The following KIF1A variants were observed in gnomAD, a reference collection of about 807,000 sequenced individuals.
KIF1A encodes the protein kinesin family member 1A.
KIF1A carries 46 observed loss-of-function variants against 227.3 expected under a neutral mutation model. The ratio of observed to expected loss-of-function variants is 0.20; its 90% CI spans 0.16 to 0.26. KIF1A has a LOEUF of 0.26. Among genes scored for constraint, KIF1A ranks in the 10% least tolerant of loss-of-function variants. KIF1A has a pLI of 1.00. For synonymous variants in KIF1A, 1,022 were observed against 1,012.8 expected, an observed-to-expected ratio of 1.01 and a Z score of -0.17; for missense variants, 1,683 against 2,485.9, an observed-to-expected ratio of 0.68 and a Z score of 6.87.
At position 240,722,459 on chromosome 2, in the gene KIF1A, G is replaced by A. The variant is rs948335066; in HGVS notation, c.4662C>T (p.Val1554=). ...APNERQRELA[V]KCLRLLTHTF... ...ACTGCCCACCAGCTGGACCCACCTT[G>A]ACGGCCAGCTCCCGCTGCCTCTCGT... Residue 1554 remains valine, a synonymous_variant, in exon 43 of 49, where the codon GTC becomes GTT. Coordinates refer to ENST00000498729, the MANE Select transcript of KIF1A (RefSeq NM_001244008.2). 2 of 1,546,206 alleles carry A rather than the reference G, an allele frequency of 1.3e-6. No homozygotes were observed. Among genetic ancestry groups the A allele is most frequent in the African/African-American group, 2.7e-5 (2 of 72,950 alleles).
chr2:240,814,349 T>C lies in KIF1A; in HGVS notation c.-61+5773A>G, dbSNP rs562763169. On this transcript the variant is annotated intron_variant, in intron 1 of 48. Coordinates refer to ENST00000498729, the MANE Select transcript of KIF1A (RefSeq NM_001244008.2). ...ATAAGTGACCTGATGCAGAAAGCCA[T>C]GGTGACCCTATCCTTAGAGTTCCCA... is the stretch of plus-strand genomic sequence containing the variant. Among the ~76,000 whole-genome samples, 6 of 152,172 alleles carry C rather than the reference T, an allele frequency of 3.9e-5. No individual in the cohort carries two copies. In the East Asian group the frequency reaches 1.2e-3, roughly 29 times the overall value.
At chr2:240,765,030 A>T (rs1268908738) in intron 20 of KIF1A, among the ~76,000 whole-genome samples, 1 of 152,160 alleles carries the variant, frequency 6.6e-6, no homozygotes, top group Non-Finnish European at 1.5e-5. Context: ...AAATCTCTTT[A>T]TACCTAGACA....
rs146302499 is a variant in KIF1A, at chr2:240,802,207, A to G, written c.-60-4395T>C. Among the ~76,000 whole-genome samples, 881 of 152,336 alleles carry G rather than the reference A, an allele frequency of 5.8e-3. 11 individuals carry two copies. The highest frequency in any genetic ancestry group is 0.02 in the African/African-American group (833 of 41,570). On this transcript the variant is annotated intron_variant, in intron 1 of 48. Transcript: ENST00000498729. ...AAAGACAAGACTGCAAGATTTCAAC[A>G]TGATCATGAAAGAGGTAACAGTAAT...
intron 12 of KIF1A, among the ~76,000 whole-genome samples, chr2:240,773,629 T>G (rs1477705011): frequency 6.6e-6 from 1 of 152,126 alleles, no homozygotes; most frequent in Non-Finnish European, 1.5e-5. Flanking sequence ...AGGCTTGTGC[T>G]CACACCGTGT....
intron 1 of KIF1A, among the ~76,000 whole-genome samples, chr2:240,816,220 ATG>A (rs1325849520): frequency 2.6e-5 from 4 of 151,134 alleles, no homozygotes; most frequent in Admixed American, 6.6e-5. Flanking sequence ...GCATGTGTGT[ATG>A]TGTGTTTGTA....
upstream of KIF1A, among the ~76,000 whole-genome samples, chr2:240,820,857 C>T (rs1001240117): frequency 5.9e-5 from 9 of 152,156 alleles, no homozygotes; most frequent in African/African-American, 2.2e-4. The surrounding 1 kb of genome is among the most constrained non-coding windows in gnomAD (Gnocchi z 6.2). Context: ...TCTACCGCGG[C>T]TCGTGGGGAC....
intron 1 of KIF1A, among the ~76,000 whole-genome samples, chr2:240,816,499 A>G (rs1018550014): frequency 6.6e-6 from 1 of 152,000 alleles, no homozygotes; most frequent in Non-Finnish European, 1.5e-5. Flanking sequence ...ATGCCTGGAG[A>G]GCCAGGCACT....
chr2:240,742,586 C>T (rs1478193994), intron 34 of KIF1A, among the ~76,000 whole-genome samples: 1 of 152,184 alleles, frequency 6.6e-6, no homozygotes, highest in Non-Finnish European at 1.5e-5. Context: ...CCTCAGACCC[C>T]CGTGAAGGAG....
chr2:240,749,705 A>G (rs950630430), intron 28 of KIF1A, among the ~76,000 whole-genome samples: 4 of 151,788 alleles, frequency 2.6e-5, no homozygotes, highest in African/African-American at 4.8e-5. Flanking sequence ...GAGCATTACA[A>G]CGGATCCCGT....
rs1254232491 is a variant in KIF1A, at chr2:240,760,795, G to A, written c.2314C>T (p.Pro772Ser). 1.2e-6 allele frequency: 2 copies of A among 1,605,590 alleles called. No homozygotes were observed. Among genetic ancestry groups the A allele is most frequent in the South Asian group, 2.2e-5 (2 of 89,522 alleles). Residue 772 changes from proline to serine, a missense_variant, in exon 25 of 49, where the codon CCA (proline) becomes TCA (serine). Pro to Ser is a moderately conservative substitution (Grantham distance 74). Transcript: ENST00000498729. ...LLTDTLYSPL[P>S]PDLLPPEAAK... ...GCCTCTGGGGGCAGCAGGTCGGGTGGCAGAGGGGAGTAGAGTGTGTCCGTC... is the reference window on the plus strand; with the variant it reads ...GCCTCTGGGGGCAGCAGGTCGGGTGACAGAGGGGAGTAGAGTGTGTCCGTC...
chr2:240,725,449 T>C lies in KIF1A; in HGVS notation c.4123-45A>G, dbSNP rs1239831732. The C allele has an allele frequency of 6.3e-7, 1 of 1,599,302 alleles. No homozygotes were observed. Among genetic ancestry groups the C allele is most frequent in the Admixed American group, 1.7e-5 (1 of 59,158 alleles). On this transcript the variant is annotated intron_variant, in intron 39 of 48. Transcript: ENST00000498729. This position sits in a 1 kb window ranked among gnomAD's most constrained non-coding sequence, Gnocchi z 5.8. Reference sequence around the variant, plus strand: ...GACTCAGGCACAAGGACACCCCGAGTGCCCAGGTGCCCTTCCAGCCTTCTC... The same window carrying C: ...GACTCAGGCACAAGGACACCCCGAGCGCCCAGGTGCCCTTCCAGCCTTCTC...
At position 240,725,658 on chromosome 2, in the gene KIF1A, C is replaced by A. The variant is rs11680772; in HGVS notation, c.4123-254G>T. On this transcript the variant is annotated intron_variant, in intron 39 of 48. Coordinates refer to ENST00000498729, the MANE Select transcript of KIF1A (RefSeq NM_001244008.2). This position sits in a 1 kb window ranked among gnomAD's most constrained non-coding sequence, Gnocchi z 5.8. Reference sequence around the variant, plus strand: ...AGGGACTGGTCTCCATGTGTGGGGACCCCGAGGGTCCCAGACATAGGCTCA... The same window carrying A: ...AGGGACTGGTCTCCATGTGTGGGGAACCCGAGGGTCCCAGACATAGGCTCA... 3,099 of 476,052 alleles carry A rather than the reference C, an allele frequency of 6.5e-3. 20 individuals carry two copies. The highest frequency in any genetic ancestry group is 9.1e-3 in the Non-Finnish European group (2,433 of 267,960). 29.5% of individuals were successfully genotyped at this position (476,052 alleles called of 1,614,324 possible). A position where few individuals can be genotyped will look rare whatever the true frequency, so the allele number is the denominator to read the frequency against.
At chr2:240,750,990 C>G (rs986151878) in intron 27 of KIF1A, among the ~76,000 whole-genome samples, 1 of 152,162 alleles carries the variant, frequency 6.6e-6, no homozygotes, top group African/African-American at 2.4e-5. Context: ...TCACGGACCC[C>G]GCAGAACCCC....
At position 240,789,220 on chromosome 2, in the gene KIF1A, C is replaced by G. The variant is rs117171329; in HGVS notation, c.183+16G>C. On this transcript the variant is annotated intron_variant, in intron 3 of 48. Coordinates refer to ENST00000498729, the MANE Select transcript of KIF1A (RefSeq NM_001244008.2). The surrounding 1 kb of genome is among the most constrained non-coding windows in gnomAD (Gnocchi z 4.8). ...ACTGCTGCCCCCGCCTCCCCCGACC[C>G]GGGGTCCCGGCTTACTGAGGTGTGC... 6 of 1,611,104 alleles carry G rather than the reference C, an allele frequency of 3.7e-6. No individual in the cohort carries two copies. In the East Asian group the frequency reaches 1.1e-4, roughly 30 times the overall value.
chr2:240,737,045 A>C lies in KIF1A; in HGVS notation c.4007+18T>G. 6.3e-7 allele frequency: 1 copy of C among 1,590,532 alleles called. No homozygotes were observed. Among genetic ancestry groups the C allele is most frequent in the Non-Finnish European group, 8.6e-7 (1 of 1,158,952 alleles). ...GGAACATGCCCTGGGCCCTGTCTCC[A>C]GGGAGTCTCCGACTCACCGGTCATC... On this transcript the variant is annotated intron_variant, in intron 38 of 48. Transcript: ENST00000498729.
intron 1 of KIF1A, among the ~76,000 whole-genome samples, chr2:240,810,236 C>T (rs752679349): frequency 1.2e-4 from 18 of 151,896 alleles, no homozygotes; most frequent in South Asian, 2.1e-4. Flanking sequence ...TACAATTCAA[C>T]GAAGGATTTG....
At chr2:240,819,215 A>C (rs1341755029) in intron 1 of KIF1A, among the ~76,000 whole-genome samples, 1 of 151,996 alleles carries the variant, frequency 6.6e-6, no homozygotes, top group Non-Finnish European at 1.5e-5. Flanking sequence ...CAGCGTGAGG[A>C]GCGGCTTAAA....
rs2044774706 is a variant in KIF1A at position 240,718,085 on chromosome 2, C to T, written c.5298G>A (p.Leu1766=). The part of the protein sequence containing the change: ...AASDKDMHDW[L]YAFNPLLAGT... The stretch of plus-strand genomic sequence containing the variant: ...CGGCCAGGAGGGGGTTGAAGGCGTA[C>T]AGCCAGTCATGCATGTCCTTGTCGC... The change falls in exon 48 of 49, where the codon CTG becomes CTA. Residue 1766 remains leucine, a synonymous_variant. Coordinates refer to ENST00000498729, the MANE Select transcript of KIF1A (RefSeq NM_001244008.2). The T allele has an allele frequency of 2.5e-6, 4 of 1,611,524 alleles. No individual in the cohort carries two copies. Among genetic ancestry groups the T allele is most frequent in the Non-Finnish European group, 3.4e-6 (4 of 1,179,320 alleles).
intron 20 of KIF1A, 31 bp downstream of exon 20, chr2:240,765,679 C>A: frequency 6.4e-7 from 1 of 1,569,080 alleles, no homozygotes; most frequent in South Asian, 1.1e-5. Context: ...CCTCTGCCTA[C>A]CTGACTGGCC....
Sources: allele counts gnomAD v4.1 joint callset (sites outside exome capture counted in the v4.1 genomes callset), GRCh38; gene constraint gnomAD v4.1.1; non-coding constraint Gnocchi (gnomAD v3.1); transcripts MANE v1.5; gene names NCBI Gene and HGNC (gene_info 2026-07-23, HGNC 2026-07-21).